Variants in KCNH1 observed in about 807,000 individuals in gnomAD.
KCNH1 encodes the protein potassium voltage-gated channel subfamily H member 1, also known as voltage-gated delayed rectifier potassium channel KCNH1.
In KCNH1, 27 loss-of-function variants were observed where a neutral mutation model predicts 69.2. The observed-to-expected ratio is 0.39, with a 90% CI of 0.29 to 0.54. The LOEUF (loss-of-function observed/expected upper bound fraction) is 0.54. Ranked by LOEUF, KCNH1 falls within the 20% of genes least tolerant of loss-of-function variation. The pLI, the probability that KCNH1 is intolerant of heterozygous loss-of-function variation, is 0.68. For missense variants in KCNH1, 798 were observed against 1,261.6 expected (o/e 0.63, Z 5.57); for synonymous variants, 456 against 487.7 (o/e 0.93, Z 0.86).
Position 211,092,792 on chromosome 1 carries a change from T to C in KCNH1, c.311-2102A>G, listed in dbSNP as rs545524276. Among the ~76,000 whole-genome samples the C allele has an allele frequency of 2.0e-5, 3 of 151,944 alleles. No homozygotes were observed. In the East Asian group the frequency reaches 5.8e-4, roughly 29 times the overall value. ...CCTCACAGCTCTCAATTGTACCCTATCTGTTAAGGCAAAAACACACAAATC... is the reference window on the plus strand; with the variant it reads ...CCTCACAGCTCTCAATTGTACCCTACCTGTTAAGGCAAAAACACACAAATC... On this transcript the variant is annotated intron_variant, in intron 3 of 10. Coordinates refer to ENST00000271751, the MANE Select transcript of KCNH1 (RefSeq NM_172362.3).
intron 10 of KCNH1, among the ~76,000 whole-genome samples, chr1:210,759,467 A>G (rs1683469688): frequency 6.6e-6 from 1 of 152,126 alleles, no homozygotes; most frequent in Non-Finnish European, 1.5e-5. Context: ...ATATTAAGAA[A>G]AAATGAAAGC....
intron 6 of KCNH1, among the ~76,000 whole-genome samples, chr1:210,981,962 G>A (rs373123428): frequency 1.1e-4 from 16 of 152,014 alleles, no homozygotes; most frequent in African/African-American, 3.6e-4. Context: ...AAGCGGGTAC[G>A]GTTTGAAAGA....
At chr1:210,871,232 G>C (rs1293250910) in intron 7 of KCNH1, among the ~76,000 whole-genome samples, 2 of 152,132 alleles carry the variant, frequency 1.3e-5, no homozygotes, top group Non-Finnish European at 2.9e-5. Flanking sequence ...CCATCAAAAA[G>C]TGGGCAAAGG....
intron 10 of KCNH1, among the ~76,000 whole-genome samples, chr1:210,772,966 C>T (rs1683780903): frequency 6.6e-6 from 1 of 152,042 alleles, no homozygotes. Context: ...TTTTTGTTGT[C>T]ATTCTTGTTT....
chr1:211,050,386 A>C (rs572743648), intron 5 of KCNH1, among the ~76,000 whole-genome samples: 3 of 151,972 alleles, frequency 2.0e-5, no homozygotes, highest in Admixed American at 6.6e-5. Flanking sequence ...CAACGTCTTA[A>C]TTCCCGTCAT....
intron 5 of KCNH1, among the ~76,000 whole-genome samples, chr1:211,057,958 G>C (rs1228065865): frequency 1.3e-5 from 2 of 151,978 alleles, no homozygotes; most frequent in African/African-American, 4.8e-5. Flanking sequence ...GATCCTAAAA[G>C]CAGCAGCAAC....
chr1:210,901,921 C>A (rs1025689280), intron 7 of KCNH1, among the ~76,000 whole-genome samples: 9 of 152,184 alleles, frequency 5.9e-5, no homozygotes, highest in African/African-American at 1.9e-4. Context: ...GAAAACCACA[C>A]CTCACTTTCA....
intron 10 of KCNH1, among the ~76,000 whole-genome samples, chr1:210,747,502 T>G (rs1232556101): frequency 6.6e-6 from 1 of 152,200 alleles, no homozygotes; most frequent in Non-Finnish European, 1.5e-5. Flanking sequence ...CATGAATTCA[T>G]GTTTATGTTG....
At chr1:211,004,806 G>A (rs1048706594) in intron 6 of KCNH1, among the ~76,000 whole-genome samples, 3 of 151,990 alleles carry the variant, frequency 2.0e-5, no homozygotes, top group African/African-American at 4.8e-5. Flanking sequence ...AATATACCAT[G>A]TAAACACTAA....
chr1:210,995,804 G>A (rs1689021581), intron 6 of KCNH1, among the ~76,000 whole-genome samples: 1 of 152,166 alleles, frequency 6.6e-6, no homozygotes, highest in South Asian at 2.1e-4. Context: ...CTCAGCTTTT[G>A]GGATTTGGGG....
intron 7 of KCNH1, among the ~76,000 whole-genome samples, chr1:210,849,478 T>A (rs1457497343): frequency 6.6e-6 from 1 of 151,608 alleles, no homozygotes; most frequent in Non-Finnish European, 1.5e-5. Flanking sequence ...GCGATTCTCA[T>A]GCCTCAGCCT....
intron 7 of KCNH1, among the ~76,000 whole-genome samples, chr1:210,806,820 A>ATATATATATATATAT (rs1558477727): frequency 4.2e-5 from 1 of 23,690 alleles, no homozygotes; most frequent in African/African-American, 1.2e-4. Flanking sequence ...AAAAAAAAAA[A>ATATATATATATATAT]AAAAAAAAAA....
At chr1:210,849,365 C>CTTTTTTTTTTTTTTTT (rs150451228) in intron 7 of KCNH1, among the ~76,000 whole-genome samples, 1 of 128,028 alleles carries the variant, frequency 7.8e-6, no homozygotes, top group Non-Finnish European at 1.6e-5. Flanking sequence ...TTCTTTCTTT[C>CTTTTTTTTTTTTTTTT]TTTTTTTTTT....
intron 7 of KCNH1, among the ~76,000 whole-genome samples, chr1:210,820,635 A>AAAAAC (rs994562188): frequency 6.6e-6 from 1 of 152,180 alleles, no homozygotes; most frequent in African/African-American, 2.4e-5. Flanking sequence ...CTCTGTCTCA[A>AAAAAC]AAAACAAAAC....
intron 7 of KCNH1, among the ~76,000 whole-genome samples, chr1:210,816,609 T>A (rs1417318235): frequency 6.6e-6 from 1 of 152,222 alleles, no homozygotes; most frequent in Non-Finnish European, 1.5e-5. Flanking sequence ...TGGCTAAAGG[T>A]AGACTGGCTT....
At chr1:210,719,501 C>CGTATG (rs1227250584) in intron 10 of KCNH1, among the ~76,000 whole-genome samples, 43 of 152,168 alleles carry the variant, frequency 2.8e-4, no homozygotes, top group African/African-American at 9.9e-4. Flanking sequence ...ACAATGAGAA[C>CGTATG]GTATGGACAC....
intron 5 of KCNH1, among the ~76,000 whole-genome samples, chr1:211,082,568 C>A (rs1571632436): frequency 1.3e-5 from 2 of 152,164 alleles, no homozygotes; most frequent in Non-Finnish European, 2.9e-5. Flanking sequence ...AGAGCTTTTC[C>A]AGCCTGCTTT....
At chr1:211,078,091 C>A (rs80166310) in intron 5 of KCNH1, among the ~76,000 whole-genome samples, 1 of 152,104 alleles carries the variant, frequency 6.6e-6, no homozygotes, top group Non-Finnish European at 1.5e-5. Context: ...TATATTCACC[C>A]AATACAGGAG....
intron 6 of KCNH1, among the ~76,000 whole-genome samples, chr1:211,003,279 T>G (rs2102402446): frequency 6.6e-6 from 1 of 152,244 alleles, no homozygotes; most frequent in African/African-American, 2.4e-5. Context: ...CTAAAAGAAG[T>G]TTGGAAGGAG....
Sources: allele counts gnomAD v4.1 joint callset (sites outside exome capture counted in the v4.1 genomes callset), GRCh38; gene constraint gnomAD v4.1.1; transcripts MANE v1.5; gene names NCBI Gene and HGNC (gene_info 2026-07-23, HGNC 2026-07-21).